SUGCT: variants seen among roughly 807,000 people sequenced by gnomAD.
SUGCT encodes succinyl-CoA:glutarate CoA-transferase.
A neutral mutation model predicts 55.0 loss-of-function variants in SUGCT; 41 were observed. The observed-to-expected ratio is 0.74, with a 90% CI of 0.58 to 0.97. The LOEUF (loss-of-function observed/expected upper bound fraction) is 0.97, where lower values mean the gene tolerates loss of function less well. Ranked by LOEUF, SUGCT falls within the 50% of genes least tolerant of loss-of-function variation. The pLI is 0.00. For synonymous variants in SUGCT, 187 were observed against 200.4 expected (o/e 0.93, Z 0.56); for missense variants, 568 against 547.8 (o/e 1.04, Z -0.37).
intron 10 of SUGCT, among the ~76,000 whole-genome samples, chr7:40,458,441 A>G (rs1789605002): frequency 6.6e-6 from 1 of 152,236 alleles, no homozygotes; most frequent in African/African-American, 2.4e-5. Context: ...CTATAAAAGC[A>G]TTTCTAGTTG....
At chr7:40,840,887 A>G (rs1371958818) in intron 13 of SUGCT, among the ~76,000 whole-genome samples, 1 of 58,536 alleles carries the variant, frequency 1.7e-5, no homozygotes, top group South Asian at 4.8e-4. Flanking sequence ...AAACACAGAC[A>G]TGTATTTGGG....
chr7:40,953,937 TCTCAAA>T, the SUGCT span, among the ~76,000 whole-genome samples: 86 of 152,334 alleles, frequency 5.6e-4, no homozygotes, highest in Non-Finnish European at 9.6e-4. Context: ...TGTTCTCAGA[TCTCAAA>T]CTCCATGCTG....
chr7:40,508,709 TA>T (rs571742922), intron 12 of SUGCT, among the ~76,000 whole-genome samples: 168 of 151,064 alleles, frequency 1.1e-3, no homozygotes, highest in Admixed American at 2.1e-3. Flanking sequence ...AATTTCAGTT[TA>T]AAAAAAAAAT....
chr7:40,220,315 A>G (rs2150823334), intron 6 of SUGCT, among the ~76,000 whole-genome samples: 1 of 152,284 alleles, frequency 6.6e-6, no homozygotes, highest in East Asian at 1.9e-4. Context: ...GGCTGTAATG[A>G]TATTCCCAGA....
At chr7:40,460,880 C>T (rs760021227) in intron 11 of SUGCT, among the ~76,000 whole-genome samples, 20 of 152,242 alleles carry the variant, frequency 1.3e-4, no homozygotes, top group South Asian at 2.1e-4. Flanking sequence ...AGTAAGGAAT[C>T]GACCTGCAAG....
At chr7:40,486,810 C>G (rs185697231) in intron 11 of SUGCT, among the ~76,000 whole-genome samples, 332 of 149,642 alleles carry the variant, frequency 2.2e-3, no homozygotes, top group Non-Finnish European at 3.1e-3. Context: ...ACTATAACCT[C>G]AAACTCCTGG....
chr7:40,470,747 GTCTCTCTC>G (rs34012862), intron 11 of SUGCT, among the ~76,000 whole-genome samples: 4,093 of 146,356 alleles, frequency 0.028, 130 homozygotes, highest in African/African-American at 0.071. Flanking sequence ...TAAGTGAACA[GTCTCTCTC>G]TCTCTCTCTC....
intron 9 of SUGCT, among the ~76,000 whole-genome samples, chr7:40,377,143 T>C (rs560179544): frequency 9.4e-4 from 13 of 13,778 alleles, no homozygotes; most frequent in Admixed American, 1.8e-3. Context: ...TCTTTCTTTC[T>C]TTCTTTCTTT....
At chr7:40,462,692 G>A (rs1259089545) in intron 11 of SUGCT, among the ~76,000 whole-genome samples, 1 of 152,100 alleles carries the variant, frequency 6.6e-6, no homozygotes, top group Non-Finnish European at 1.5e-5. Flanking sequence ...CACCTACTAT[G>A]TGCCATGAAC....
chr7:40,316,664 A>G, intron 8 of SUGCT, 96 bp from the exon 9 acceptor site: 1 of 738,952 alleles, frequency 1.4e-6, no homozygotes, highest in Non-Finnish European at 2.1e-6. Flanking sequence ...TTCTACAATG[A>G]GATGAAGTGA....
In SUGCT at chr7:40,860,702, T is replaced by G. The variant is rs756792488; in HGVS notation, c.*223T>G. On this transcript the variant is annotated 3_prime_UTR_variant, in exon 14 of 14. Coordinates refer to ENST00000335693, the MANE Select transcript of SUGCT (RefSeq NM_001193313.2). ...CCCTACCATCTTTTTTTTCAGATGATGATTTCATTATGGATTTGTGGGATT... is the reference window on the plus strand; with the variant it reads ...CCCTACCATCTTTTTTTTCAGATGAGGATTTCATTATGGATTTGTGGGATT... 2 of 400,868 alleles carry G rather than the reference T, an allele frequency of 5.0e-6. No individual in the cohort carries two copies. Among genetic ancestry groups the G allele is most frequent in the Non-Finnish European group, 8.7e-6 (2 of 230,590 alleles). The allele number at this position is 400,868 out of a possible 1,614,324, so 24.8% of individuals were successfully genotyped here.
chr7:40,308,556 C>A (rs78583135), intron 8 of SUGCT, among the ~76,000 whole-genome samples: 2,616 of 152,178 alleles, frequency 0.017, 60 homozygotes, highest in African/African-American at 0.058. Context: ...CTGCAAGGAC[C>A]CATATGATAT....
At chr7:40,655,643 A>C (rs1482008942) in intron 12 of SUGCT, among the ~76,000 whole-genome samples, 1 of 152,218 alleles carries the variant, frequency 6.6e-6, no homozygotes, top group African/African-American at 2.4e-5. Context: ...ACAGAGGGTC[A>C]AGATGATCAC....
At chr7:40,252,947 A>G (rs1341229869) in intron 7 of SUGCT, among the ~76,000 whole-genome samples, 2 of 152,220 alleles carry the variant, frequency 1.3e-5, no homozygotes, top group Non-Finnish European at 2.9e-5. Flanking sequence ...ATGCAAGGCT[A>G]AAACTTATTA....
chr7:40,992,390 C>T, the SUGCT span, among the ~76,000 whole-genome samples: 37 of 152,220 alleles, frequency 2.4e-4, no homozygotes, highest in African/African-American at 8.4e-4. Context: ...GGCTTCTTTA[C>T]CACACCTGTT....
At chr7:40,349,021 T>C (rs1420004388) in intron 9 of SUGCT, among the ~76,000 whole-genome samples, 1 of 152,220 alleles carries the variant, frequency 6.6e-6, no homozygotes, top group Non-Finnish European at 1.5e-5. Flanking sequence ...CTGTTCTCTT[T>C]CTTTTATATT....
intron 12 of SUGCT, among the ~76,000 whole-genome samples, chr7:40,738,295 G>A (rs1391613109): frequency 6.6e-6 from 1 of 150,806 alleles, no homozygotes; most frequent in Non-Finnish European, 1.5e-5. Flanking sequence ...CTCAAACACA[G>A]CAAGATGGGA....
intron 1 of SUGCT, among the ~76,000 whole-genome samples, chr7:40,137,082 G>T (rs1248481641): frequency 6.6e-6 from 1 of 152,068 alleles, no homozygotes; most frequent in African/African-American, 2.4e-5. Flanking sequence ...GTCTACTCAG[G>T]GGAGGGGGCA....
intron 12 of SUGCT, among the ~76,000 whole-genome samples, chr7:40,627,338 G>A (rs575961736): frequency 6.6e-6 from 1 of 152,354 alleles, no homozygotes; most frequent in South Asian, 2.1e-4. Flanking sequence ...ACCTGCTAGA[G>A]CTTTCCTATT....
Sources: allele counts gnomAD v4.1 joint callset (sites outside exome capture counted in the v4.1 genomes callset), GRCh38; gene constraint gnomAD v4.1.1; transcripts MANE v1.5; gene names NCBI Gene and HGNC (gene_info 2026-07-23, HGNC 2026-07-21).